The following BMPR1A variants were observed in gnomAD, a reference collection of about 807,000 sequenced individuals.
The protein encoded by BMPR1A is bone morphogenetic protein receptor type 1A, also known as bone morphogenetic protein receptor type-1A.
Under a neutral mutation model 66.0 loss-of-function variants are expected in BMPR1A, and 7 were observed. That is an observed-to-expected ratio of 0.11 (90% confidence interval 0.06 to 0.20). The LOEUF is 0.20. BMPR1A is among the 10% of genes least tolerant of loss of function. The pLI, the probability that BMPR1A is intolerant of heterozygous loss-of-function variation, is 1.00. For synonymous variants in BMPR1A, 200 were observed against 229.7 expected (o/e 0.87, Z 1.17); for missense variants, 408 against 669.1 (o/e 0.61, Z 4.31).
intron 1 of BMPR1A, among the ~76,000 whole-genome samples, chr10:86,782,240 C>G (rs1262089875): frequency 6.6e-6 from 1 of 152,148 alleles, no homozygotes; most frequent in East Asian, 1.9e-4. Context: ...TGTTGAGAGA[C>G]ACAAGTTAAT....
intron 2 of BMPR1A, among the ~76,000 whole-genome samples, chr10:86,844,209 T>G (rs17107098): frequency 0.036 from 5,525 of 152,308 alleles, 240 homozygotes; most frequent in African/African-American, 0.1. Context: ...AAAGGGAGAT[T>G]TTATGAAAAA....
intron 8 of BMPR1A, among the ~76,000 whole-genome samples, chr10:86,916,207 G>A (rs1564723062): frequency 6.6e-6 from 1 of 152,202 alleles, no homozygotes; most frequent in Non-Finnish European, 1.5e-5. Flanking sequence ...CAAATAATGG[G>A]ACCAGGCCAG....
chr10:86,829,139 TC>T (rs1842235264), intron 1 of BMPR1A, among the ~76,000 whole-genome samples: 1 of 152,140 alleles, frequency 6.6e-6, no homozygotes, highest in Non-Finnish European at 1.5e-5. Flanking sequence ...CTGTTTTGTT[TC>T]TAGGAAACTA....
intron 5 of BMPR1A, 135 bp downstream of exon 5, chr10:86,892,364 A>G (rs1424512597): frequency 2.9e-6 from 2 of 687,886 alleles, no homozygotes; most frequent in Non-Finnish European, 5.2e-6. Flanking sequence ...AGGAATACCT[A>G]CTGTCTAGAT....
At chr10:86,922,291 T>C (rs1026838195) in intron 11 of BMPR1A, among the ~76,000 whole-genome samples, 1 of 152,262 alleles carries the variant, frequency 6.6e-6, no homozygotes, top group Non-Finnish European at 1.5e-5. Context: ...ATTTTCTTGA[T>C]GTGTTCATCT....
intron 2 of BMPR1A, among the ~76,000 whole-genome samples, chr10:86,854,030 C>T (rs1272979362): frequency 6.6e-6 from 1 of 152,158 alleles, no homozygotes; most frequent in African/African-American, 2.4e-5. Flanking sequence ...TTCATCCCTA[C>T]AGTCTCGACC....
chr10:86,884,500 A>G (rs555907108), intron 3 of BMPR1A, among the ~76,000 whole-genome samples: 1 of 128,032 alleles, frequency 7.8e-6, no homozygotes, highest in South Asian at 2.5e-4. Flanking sequence ...TACATCCTCC[A>G]CCTCCCTGGT....
chr10:86,931,329 G>C (rs1843809501), downstream of BMPR1A: 2 of 126,876 alleles, frequency 1.6e-5, 1 homozygote, highest in Admixed American at 1.6e-4. Context: ...GCAATGTGAA[G>C]AAAATATTGG....
chr10:86,908,675 G>A (rs559235137), intron 7 of BMPR1A, among the ~76,000 whole-genome samples: 1 of 152,312 alleles, frequency 6.6e-6, no homozygotes, highest in East Asian at 1.9e-4. Context: ...TCCTCCCACA[G>A]AGGTCATCTG....
chr10:86,850,272 G>A (rs1433161556), intron 2 of BMPR1A, among the ~76,000 whole-genome samples: 3 of 151,104 alleles, frequency 2.0e-5, no homozygotes, highest in Non-Finnish European at 4.4e-5. Flanking sequence ...AGTGAGCTGA[G>A]ATAGCGCCAC....
At chr10:86,912,490 A>G (rs1334671497) in intron 8 of BMPR1A, 106 bp downstream of exon 8, 2 of 1,402,154 alleles carry the variant, frequency 1.4e-6, no homozygotes, top group Non-Finnish European at 2.0e-6. Context: ...TAATGGACAC[A>G]TTTTTTTCTC....
intron 3 of BMPR1A, among the ~76,000 whole-genome samples, chr10:86,876,697 G>A (rs983299384): frequency 1.3e-4 from 20 of 152,160 alleles, no homozygotes; most frequent in African/African-American, 3.4e-4. Flanking sequence ...CTTGAACCCC[G>A]GGAGGTGGAA....
rs566158260 is a variant in BMPR1A at position 86,808,917 on chromosome 10, C to T, written c.-267-29948C>T. On this transcript the variant is annotated intron_variant, in intron 1 of 12. Transcript: ENST00000372037. ...CGTTTCTCTGATTCATCACAGGTTA[C>T]TTATAGGGATCCAGTTATCTTCCCT... is the stretch of plus-strand genomic sequence containing the variant. 4.3e-4 allele frequency among the ~76,000 whole-genome samples: 66 copies of T among 152,274 alleles called. 2 individuals are homozygous for T. The South Asian group carries it at 0.013, about 30-fold the overall frequency.
rs1055330550 is a variant in BMPR1A at position 86,925,896 on chromosome 10, T to G, written c.*2177T>G. 3.7e-5 allele frequency: 6 copies of G among 162,212 alleles called. No individual in the cohort carries two copies. The highest frequency in any genetic ancestry group is 2.7e-3 in the Middle Eastern group (1 of 364). The allele number at this position is 162,212 out of a possible 1,614,324, so 10.0% of individuals were successfully genotyped here. On this transcript the variant is annotated 3_prime_UTR_variant, in exon 13 of 13. Coordinates refer to ENST00000372037, the MANE Select transcript of BMPR1A (RefSeq NM_004329.3). ...GCGCCCGCCACCGCGCCCGGCTAAT[T>G]TTTTGTATTTTTAGTAGAGACGGGG...
At chr10:86,843,623 G>A (rs1671485511) in intron 2 of BMPR1A, 1 of 152,166 alleles carries the variant, frequency 6.6e-6, no homozygotes, top group Admixed American at 6.5e-5. Flanking sequence ...GAGAAGCACA[G>A]GTAGAACATA....
chr10:86,896,361 T>C (rs1843224779), intron 5 of BMPR1A, among the ~76,000 whole-genome samples: 1 of 152,128 alleles, frequency 6.6e-6, no homozygotes, highest in Admixed American at 6.6e-5. Flanking sequence ...GATTGTAACA[T>C]ATATATTGTT....
At chr10:86,823,389 C>G (rs1455748605) in intron 1 of BMPR1A, among the ~76,000 whole-genome samples, 1 of 152,148 alleles carries the variant, frequency 6.6e-6, no homozygotes, top group African/African-American at 2.4e-5. Flanking sequence ...AGATTGGGTA[C>G]GGAGGAGGTT....
intron 1 of BMPR1A, among the ~76,000 whole-genome samples, chr10:86,820,883 A>T (rs1302231053): frequency 2.0e-5 from 3 of 151,372 alleles, no homozygotes; most frequent in African/African-American, 7.3e-5. Flanking sequence ...TCATCTTTTC[A>T]CTTATTTTTT....
At chr10:86,839,456 G>A (rs1472760712) in intron 2 of BMPR1A, among the ~76,000 whole-genome samples, 1 of 152,084 alleles carries the variant, frequency 6.6e-6, no homozygotes, top group Non-Finnish European at 1.5e-5. Context: ...AGCTGAGCAT[G>A]ATGGCCTAAG....
Sources: allele counts gnomAD v4.1 joint callset (sites outside exome capture counted in the v4.1 genomes callset), GRCh38; gene constraint gnomAD v4.1.1; transcripts MANE v1.5; gene names NCBI Gene and HGNC (gene_info 2026-07-23, HGNC 2026-07-21).